Variants in DCC observed in about 807,000 individuals in gnomAD.
DCC encodes DCC netrin 1 receptor.
Under a neutral mutation model 172.5 loss-of-function variants are expected in DCC, and 58 were observed. That is an observed-to-expected ratio of 0.34 (90% CI 0.27 to 0.42). The LOEUF is 0.42. DCC is among the 10% of genes least tolerant of loss of function. The pLI is 1.00. For synonymous variants in DCC, 709 were observed against 644.5 expected (o/e 1.10, Z -1.52); for missense variants, 1,740 against 1,791.0 (o/e 0.97, Z 0.51).
intron 12 of DCC, among the ~76,000 whole-genome samples, chr18:53,231,871 G>C (rs1264358438): frequency 6.6e-6 from 1 of 152,008 alleles, no homozygotes; most frequent in African/African-American, 2.4e-5. Flanking sequence ...TTATTTTGCT[G>C]ACTCAAAATA....
intron 1 of DCC, among the ~76,000 whole-genome samples, chr18:52,526,159 G>A (rs914613311): frequency 6.6e-6 from 1 of 152,182 alleles, no homozygotes; most frequent in Admixed American, 6.5e-5. Flanking sequence ...TTTAGACAGT[G>A]TTTGAGGATT....
At chr18:53,322,219 G>T (rs2057419845) in intron 14 of DCC, 62 bp downstream of exon 14, 2 of 949,246 alleles carry the variant, frequency 2.1e-6, no homozygotes, top group Middle Eastern at 2.2e-4. Flanking sequence ...GCTTCAAAAG[G>T]TCTCTTAAAA....
chr18:52,419,204 C>A (rs912047697), intron 1 of DCC: 1 of 152,188 alleles, frequency 6.6e-6, no homozygotes, highest in Admixed American at 6.6e-5. Context: ...CAGTCACATG[C>A]ATAGAGACAA....
chr18:53,235,677 T>A (rs556799962), intron 12 of DCC, among the ~76,000 whole-genome samples: 35 of 130,766 alleles, frequency 2.7e-4, no homozygotes, highest in African/African-American at 9.7e-4. Flanking sequence ...TTCATTGACG[T>A]TAAGTATATT....
intron 2 of DCC, among the ~76,000 whole-genome samples, chr18:52,787,817 A>T (rs11664308): frequency 2.0e-5 from 3 of 151,888 alleles, no homozygotes; most frequent in Non-Finnish European, 2.9e-5. Context: ...TGATGACTCA[A>T]AAAGCAAAAA....
intron 19 of DCC, among the ~76,000 whole-genome samples, chr18:53,403,520 A>G (rs547136499): frequency 6.6e-6 from 1 of 152,364 alleles, no homozygotes; most frequent in Non-Finnish European, 1.5e-5. Context: ...ATGTTAATTT[A>G]GTATGAAAAA....
intron 1 of DCC, among the ~76,000 whole-genome samples, chr18:52,511,677 A>C (rs2031446428): frequency 6.6e-6 from 1 of 152,186 alleles, no homozygotes; most frequent in Non-Finnish European, 1.5e-5. Context: ...CAATAGCTCC[A>C]AGGCTGGGAA....
rs551481939 is a variant in DCC at position 52,387,574 on chromosome 18, T to TGTTC, written c.91+46696_91+46697insGTTC. ...CAAAGCCAGGCTGTTTTGTTTTGTT[T>TGTTC]CTTCCTTCCTTCCTTCCTTCCTTCC... On this transcript the variant is annotated intron_variant, in intron 1 of 28. Transcript: ENST00000442544. Among the ~76,000 whole-genome samples the TGTTC allele has an allele frequency of 1.4e-3, 177 of 122,086 alleles. 2 individuals carry two copies. The highest frequency in any genetic ancestry group is 5.5e-3 in the African/African-American group (169 of 30,738). 80.1% of individuals were successfully genotyped at this position (122,086 alleles called of 152,430 possible).
intron 1 of DCC, among the ~76,000 whole-genome samples, chr18:52,672,295 G>A (rs373155864): frequency 4.8e-4 from 73 of 152,140 alleles, no homozygotes; most frequent in African/African-American, 1.7e-3. Flanking sequence ...GTGTGTATAC[G>A]CTTCATAATT....
At chr18:53,492,443 T>A (rs1027727166) in intron 26 of DCC, among the ~76,000 whole-genome samples, 6 of 152,150 alleles carry the variant, frequency 3.9e-5, no homozygotes, top group Non-Finnish European at 2.9e-5. Flanking sequence ...TTTTAGGTCT[T>A]ATGTTTAAGT....
chr18:53,393,724 G>T (rs930830132), intron 17 of DCC, among the ~76,000 whole-genome samples: 1 of 152,178 alleles, frequency 6.6e-6, no homozygotes, highest in Non-Finnish European at 1.5e-5. Context: ...AATGGTTTGA[G>T]TTCCAAAATT....
At chr18:52,704,144 A>G (rs79119197) in intron 1 of DCC, among the ~76,000 whole-genome samples, 16,803 of 145,572 alleles carry the variant, frequency 0.12, 1,093 homozygotes, top group Middle Eastern at 0.23. Context: ...TAAATGTAAT[A>G]TATTATTAAT....
chr18:52,492,278 G>A (rs2030539871), intron 1 of DCC, among the ~76,000 whole-genome samples: 3 of 151,960 alleles, frequency 2.0e-5, no homozygotes, highest in Admixed American at 2.0e-4. Context: ...AGGAAACAGG[G>A]AAAGATAGTC....
At chr18:53,290,641 T>TA (rs556889656) in intron 12 of DCC, among the ~76,000 whole-genome samples, 87 of 147,950 alleles carry the variant, frequency 5.9e-4, no homozygotes, top group African/African-American at 1.0e-3. Flanking sequence ...TGTGGTTTCA[T>TA]AAAAAAAAAA....
rs564035201 is a variant in DCC, at chr18:52,366,329, G to A, written c.91+25451G>A. On this transcript the variant is annotated intron_variant, in intron 1 of 28. Coordinates refer to ENST00000442544, the MANE Select transcript of DCC (RefSeq NM_005215.4). ...AGTAGCAAGATTTATTGCAAAGAGC[G>A]AAAGAACAAAGCTTCCACAGTGTGC... is the stretch of plus-strand genomic sequence containing the variant. Among the ~76,000 whole-genome samples, 13 of 152,202 alleles carry A rather than the reference G, an allele frequency of 8.5e-5. No homozygotes were observed. In the South Asian group the frequency reaches 1.7e-3, roughly 19 times the overall value.
Position 52,752,118 on chromosome 18 carries a change from G to C in DCC, c.156G>C (p.Met52Ile). The stretch of plus-strand genomic sequence containing the variant: ...CAGAACCTTCTGATGCCGTCACAAT[G>C]CGGGGAGGAAATGTCCTCCTCGACT... ...FLSEPSDAVT[M>I]RGGNVLLDCS... is the part of the protein sequence containing the mutation. The change falls in exon 2 of 29, where the codon ATG becomes ATC. Residue 52 changes from methionine (M) to isoleucine (I), a missense_variant. By Grantham distance (10) the Met-to-Ile change is conservative (BLOSUM62 1). Around this residue, in one of 2 missense-constraint regions of DCC, gnomAD observed 1,732 missense variants for 1,767.4 expected, o/e 0.98. Transcript: ENST00000442544. 6.2e-7 allele frequency: 1 copy of C among 1,614,126 alleles called. No homozygotes were observed. The highest frequency in any genetic ancestry group is 8.5e-7 in the Non-Finnish European group (1 of 1,180,026).
chr18:53,137,435 G>A (rs888581996), intron 7 of DCC, among the ~76,000 whole-genome samples: 1 of 152,216 alleles, frequency 6.6e-6, no homozygotes, highest in Non-Finnish European at 1.5e-5. Context: ...TCCATAGGAA[G>A]CTCACAACAT....
chr18:53,450,380 C>T, intron 22 of DCC, 120 bp from the exon 23 acceptor site: 1 of 1,048,102 alleles, frequency 9.5e-7, no homozygotes, highest in Admixed American at 1.8e-5. Context: ...GAACTCCCAT[C>T]ACTACCCCTA....
chr18:52,729,256 C>T (rs2036598788), intron 1 of DCC, among the ~76,000 whole-genome samples: 1 of 151,974 alleles, frequency 6.6e-6, no homozygotes, highest in Non-Finnish European at 1.5e-5. Flanking sequence ...TCTTCTCTTT[C>T]CTTTTATTTT....
Sources: gnomAD v4.1 joint callset for allele counts (sites outside exome capture counted in the v4.1 genomes callset) on GRCh38, gnomAD v4.1.1 for gene constraint, gnomAD v4.1.1 regional missense constraint, MANE v1.5 for transcripts, NCBI Gene and HGNC (gene_info 2026-07-23, HGNC 2026-07-21) for gene names.